The following EPB41L2 variants were observed in gnomAD, a reference collection of about 807,000 sequenced individuals.
The protein encoded by EPB41L2 is erythrocyte membrane protein band 4.1 like 2, also known as band 4.1-like protein 2.
Under a neutral mutation model 113.0 loss-of-function variants are expected in EPB41L2, and 43 were observed. The ratio of observed to expected loss-of-function variants is 0.38; its 90% CI spans 0.30 to 0.49. EPB41L2 has a LOEUF of 0.49. Among genes scored for constraint, EPB41L2 ranks in the 20% least tolerant of loss-of-function variants. The pLI, the probability that EPB41L2 is intolerant of heterozygous loss-of-function variation, is 0.95. For missense variants in EPB41L2, 1,147 were observed against 1,223.4 expected (o/e 0.94, Z 0.93); for synonymous variants, 442 against 436.7 (o/e 1.01, Z -0.15).
intron 1 of EPB41L2, among the ~76,000 whole-genome samples, chr6:130,990,012 A>G (rs150770455): frequency 2.3e-3 from 350 of 152,324 alleles, no homozygotes; most frequent in African/African-American, 8.0e-3. Flanking sequence ...ATAAAGACAT[A>G]TAACTAATAA....
At chr6:130,967,091 C>T (rs1354711904) in intron 1 of EPB41L2, among the ~76,000 whole-genome samples, 1 of 152,098 alleles carries the variant, frequency 6.6e-6, no homozygotes, top group Non-Finnish European at 1.5e-5. Context: ...TAAAAAAATA[C>T]AGTTGTCCCT....
chr6:130,841,786 G>C (rs1775594663), intron 19 of EPB41L2, among the ~76,000 whole-genome samples: 2 of 152,212 alleles, frequency 1.3e-5, no homozygotes. Context: ...TAGGGATATA[G>C]ATTTGGGCAT....
chr6:131,033,744 T>A (rs963875641), intron 1 of EPB41L2, among the ~76,000 whole-genome samples: 1 of 152,192 alleles, frequency 6.6e-6, no homozygotes, highest in Non-Finnish European at 1.5e-5. Context: ...CAAATTCATA[T>A]AAACAGAAAG....
chr6:131,017,096 T>C (rs939954483), intron 1 of EPB41L2, among the ~76,000 whole-genome samples: 2 of 152,194 alleles, frequency 1.3e-5, no homozygotes, highest in Non-Finnish European at 2.9e-5. Flanking sequence ...TCGGAAATGG[T>C]AAGTTCAAGT....
In EPB41L2 at chr6:130,899,578, CCT is replaced by C. The variant is rs773041143; in HGVS notation, c.1149-2_1149-1del. The C allele has an allele frequency of 6.2e-7, 1 of 1,613,214 alleles. No individual in the cohort carries two copies. The highest frequency in any genetic ancestry group is 1.1e-5 in the South Asian group (1 of 91,066). ...AATCAGCTTGTGCTGGCGATAAGCC[CCT>C]GAGAATCAAAAGAAACAGTATTATC... On this transcript the variant is annotated splice_acceptor_variant, in intron 7 of 19. Coordinates refer to ENST00000337057, the MANE Select transcript of EPB41L2 (RefSeq NM_001431.4). LOFTEE classifies it high-confidence loss of function.
Position 130,870,000 on chromosome 6 carries a change from G to T in EPB41L2, c.2170C>A (p.Arg724Ser), listed in dbSNP as rs554992186. The change falls in exon 15 of 20, where the codon CGT becomes AGT. Residue 724 changes from arginine (R) to serine (S), a missense_variant. Physicochemically the swap from Arg to Ser is moderately radical, Grantham distance 110. Transcript: ENST00000337057. The part of the protein sequence containing the change: ...ISPGSGPGEI[R>S]KVEPVTQKDS... ...TTTTGTGTCACAGGCTCCACCTTAC[G>T]AATCTCCCCAGGACCACTCCCAGGT... 3 of 1,613,696 alleles carry T rather than the reference G, an allele frequency of 1.9e-6. No individual in the cohort carries two copies. In the South Asian group the frequency reaches 3.3e-5, roughly 18 times the overall value.
At chr6:130,969,965 T>G (rs1486294007) in intron 1 of EPB41L2, among the ~76,000 whole-genome samples, 1 of 152,162 alleles carries the variant, frequency 6.6e-6, no homozygotes, top group Non-Finnish European at 1.5e-5. Context: ...AGCTATCATG[T>G]TAAAGATAGC....
At chr6:130,945,214 T>C (rs1812399840) in intron 3 of EPB41L2, among the ~76,000 whole-genome samples, 1 of 152,156 alleles carries the variant, frequency 6.6e-6, no homozygotes, top group South Asian at 2.1e-4. Context: ...TTAGTAAGTG[T>C]CAGTACTATA....
chr6:130,872,820 C>T (rs745488201), intron 14 of EPB41L2, among the ~76,000 whole-genome samples: 3 of 152,246 alleles, frequency 2.0e-5, no homozygotes, highest in Non-Finnish European at 2.9e-5. Flanking sequence ...CCCACCCAAA[C>T]GCCATTTCAT....
rs1249761788 is a variant in EPB41L2, at chr6:130,878,140, T to G, written c.2007A>C (p.Lys669Asn). ...GTAGGGACAGAGGTGTGATACGTCG[T>G]TTTTCCCATTCATTAGGGCGCGGCT... ...TPEPRPNEWE[K>N]RRITPLSLQT... Residue 669 changes from lysine to asparagine, a missense_variant, in exon 14 of 20, where the codon AAA (lysine) becomes AAC (asparagine). Transcript: ENST00000337057. 1 of 1,613,110 alleles carries G rather than the reference T, an allele frequency of 6.2e-7. No homozygotes were observed. The highest frequency in any genetic ancestry group is 8.5e-7 in the Non-Finnish European group (1 of 1,179,668).
chr6:130,918,654 T>C (rs982291711), intron 4 of EPB41L2, among the ~76,000 whole-genome samples: 4 of 137,542 alleles, frequency 2.9e-5, no homozygotes, highest in Non-Finnish European at 6.2e-5. Context: ...GTCTCAACCA[T>C]GAGAGATATA....
At chr6:130,971,811 T>C (rs1205979838) in intron 1 of EPB41L2, among the ~76,000 whole-genome samples, 3 of 152,240 alleles carry the variant, frequency 2.0e-5, no homozygotes, top group African/African-American at 4.8e-5. Flanking sequence ...TATAAATTAC[T>C]ATAGACAAAC....
intron 12 of EPB41L2, among the ~76,000 whole-genome samples, chr6:130,883,836 T>A (rs1348759308): frequency 6.6e-6 from 1 of 152,210 alleles, no homozygotes; most frequent in Non-Finnish European, 1.5e-5. Flanking sequence ...AACGATGGAA[T>A]GTCGATGATT....
Position 130,913,392 on chromosome 6 carries a change from T to C in EPB41L2, c.811-4529A>G, listed in dbSNP as rs117670194. Among the ~76,000 whole-genome samples the C allele has an allele frequency of 8.5e-3, 1,296 of 152,240 alleles. 10 individuals are homozygous for C. Among genetic ancestry groups the C allele is most frequent in the South Asian group, 0.021 (99 of 4,822 alleles). On this transcript the variant is annotated intron_variant, in intron 4 of 19. Transcript: ENST00000337057. ...CGCGTTTTCCCTTTCCTAACCACAC[T>C]CACTTTCACACTGTAAGTTCCATTC...
At chr6:131,010,993 T>C (rs982820659) in intron 1 of EPB41L2, among the ~76,000 whole-genome samples, 1 of 152,198 alleles carries the variant, frequency 6.6e-6, no homozygotes, top group African/African-American at 2.4e-5. Flanking sequence ...CTCAGCACCC[T>C]GACTTTTCAT....
chr6:130,963,113 T>C (rs1308292633), intron 1 of EPB41L2, among the ~76,000 whole-genome samples: 1 of 151,888 alleles, frequency 6.6e-6, no homozygotes, highest in African/African-American at 2.4e-5. Flanking sequence ...GACCAGCTCC[T>C]TGATCGCGCC....
chr6:130,895,633 A>G (rs772220274), intron 8 of EPB41L2, among the ~76,000 whole-genome samples: 51 of 152,206 alleles, frequency 3.4e-4, no homozygotes, highest in African/African-American at 1.1e-3. Context: ...CCTTGCAGAT[A>G]ATTTCTCTTC....
At chr6:130,956,569 G>A in intron 1 of EPB41L2, 70 bp from the exon 2 acceptor site, 3 of 1,364,074 alleles carry the variant, frequency 2.2e-6, no homozygotes, top group Non-Finnish European at 3.0e-6. Context: ...GTTGCGAGGG[G>A]CATGGTAAGG....
chr6:130,917,805 T>G (rs978595556), intron 4 of EPB41L2, among the ~76,000 whole-genome samples: 4 of 152,192 alleles, frequency 2.6e-5, no homozygotes, highest in Non-Finnish European at 5.9e-5. Context: ...TTAATTCTCC[T>G]TTAAGTTAGA....
Sources: allele counts gnomAD v4.1 joint callset (sites outside exome capture counted in the v4.1 genomes callset), GRCh38; gene constraint gnomAD v4.1.1; transcripts MANE v1.5; gene names NCBI Gene and HGNC (gene_info 2026-07-23, HGNC 2026-07-21).